COL19A1: variants seen among roughly 807,000 people sequenced by gnomAD.
COL19A1 encodes the protein collagen alpha-1(XIX) chain.
In COL19A1, 159 loss-of-function variants were observed where a neutral mutation model predicts 190.2. The ratio of observed to expected loss-of-function variants is 0.84; its 90% CI spans 0.73 to 0.95. The LOEUF (loss-of-function observed/expected upper bound fraction) is 0.95, where lower values mean the gene tolerates loss of function less well. COL19A1 is among the 40% of genes least tolerant of loss of function. The probability of loss-of-function intolerance (pLI) is 0.00; values close to 1 mark genes in which losing one functional copy is unlikely to be tolerated. For missense variants in COL19A1, 1,418 were observed against 1,431.9 expected (o/e 0.99, Z 0.16); for synonymous variants, 509 against 458.9 (o/e 1.11, Z -1.39).
At chr6:69,885,571 T>C (rs1301555302) in intron 2 of COL19A1, among the ~76,000 whole-genome samples, 1 of 152,210 alleles carries the variant, frequency 6.6e-6, no homozygotes, top group Non-Finnish European at 1.5e-5. Context: ...ATTCCATCTC[T>C]AGATACATTT....
In COL19A1 at chr6:69,891,632, G is replaced by T. The variant is rs192391272; in HGVS notation, c.92-7316G>T. ...AGTCACAGCGACCTTGGCAGCTGCC[G>T]CCATGAGTGCCAAAGTGACTTTCAC... On this transcript the variant is annotated intron_variant, in intron 2 of 50. Coordinates refer to ENST00000620364, the MANE Select transcript of COL19A1 (RefSeq NM_001858.6). Among the ~76,000 whole-genome samples, 10 of 152,218 alleles carry T rather than the reference G, an allele frequency of 6.6e-5. No individual in the cohort carries two copies. The East Asian group carries it at 1.9e-3, about 29-fold the overall frequency.
At chr6:70,098,863 GGTC>G (rs1288903606) in intron 15 of COL19A1, among the ~76,000 whole-genome samples, 4 of 151,720 alleles carry the variant, frequency 2.6e-5, no homozygotes, top group Admixed American at 2.6e-4. Context: ...AATTCCTAGG[GGTC>G]CTTGGAGAGA....
At chr6:70,202,994 G>T (rs558189149) in intron 49 of COL19A1, among the ~76,000 whole-genome samples, 3 of 152,252 alleles carry the variant, frequency 2.0e-5, no homozygotes, top group South Asian at 4.1e-4. Context: ...TTGCAGCACA[G>T]GGCCTCATGG....
At chr6:70,046,464 T>G (rs757803043) in intron 14 of COL19A1, among the ~76,000 whole-genome samples, 5 of 152,198 alleles carry the variant, frequency 3.3e-5, no homozygotes, top group Non-Finnish European at 5.9e-5. Context: ...TTTCTTCTCT[T>G]TCTTTCTGAT....
At chr6:70,115,794 TTG>T (rs140082968) in intron 16 of COL19A1, among the ~76,000 whole-genome samples, 14,503 of 144,290 alleles carry the variant, frequency 0.1, 936 homozygotes, top group Non-Finnish European at 0.14. Context: ...CTAGCAGTTG[TTG>T]TTTTTTTTGT....
Position 70,149,906 on chromosome 6 carries a change from T to A in COL19A1, c.1983+2T>A. On this transcript the variant is annotated splice_donor_variant, in intron 29 of 50. Transcript: ENST00000620364. LOFTEE classifies it high-confidence loss of function. ...ACTCCAGGGACTCCAGGGAATGATG[T>A]AAGGACTTTCTTTATCTACCCTCCC... The A allele has an allele frequency of 1.2e-6, 2 of 1,613,836 alleles. No homozygotes were observed. Among genetic ancestry groups the A allele is most frequent in the Non-Finnish European group, 1.7e-6 (2 of 1,179,814 alleles).
intron 41 of COL19A1, among the ~76,000 whole-genome samples, chr6:70,174,724 G>GTA (rs1223482872): frequency 6.6e-6 from 1 of 152,134 alleles, no homozygotes; most frequent in Admixed American, 6.5e-5. Context: ...TGGCTTACTG[G>GTA]TATACACAAG....
At chr6:69,952,128 C>A (rs1312644587) in intron 9 of COL19A1, among the ~76,000 whole-genome samples, 1 of 151,876 alleles carries the variant, frequency 6.6e-6, no homozygotes, top group African/African-American at 2.4e-5. Flanking sequence ...GACTCCCCCA[C>A]CTTCATAAGA....
chr6:70,059,665 T>C (rs1780706454), intron 14 of COL19A1: 1 of 370,934 alleles, frequency 2.7e-6, no homozygotes, highest in African/African-American at 2.2e-5. Context: ...AACAGCCTTA[T>C]GAATTCCATT....
intron 14 of COL19A1, among the ~76,000 whole-genome samples, chr6:70,065,826 G>A (rs1371184131): frequency 1.3e-5 from 2 of 152,172 alleles, no homozygotes; most frequent in East Asian, 1.9e-4. Context: ...CTCAAAAGAA[G>A]ATATTTATGC....
At chr6:69,947,761 A>T (rs927493734) in intron 9 of COL19A1, among the ~76,000 whole-genome samples, 3 of 151,816 alleles carry the variant, frequency 2.0e-5, no homozygotes, top group African/African-American at 4.8e-5. Context: ...ACCTTCATAA[A>T]TGTGTCTCTG....
At chr6:69,874,821 A>C (rs188722384) in intron 1 of COL19A1, among the ~76,000 whole-genome samples, 2 of 152,226 alleles carry the variant, frequency 1.3e-5, no homozygotes, top group Admixed American at 6.5e-5. Context: ...GAAAGATTAT[A>C]AGATCTTGTA....
At chr6:70,022,245 C>G (rs1407424435) in intron 11 of COL19A1, among the ~76,000 whole-genome samples, 2 of 152,112 alleles carry the variant, frequency 1.3e-5, no homozygotes, top group East Asian at 3.9e-4. Context: ...CACAGACACA[C>G]ACAGACATAC....
At chr6:69,993,021 T>C (rs1391714279) in intron 11 of COL19A1, among the ~76,000 whole-genome samples, 2 of 152,128 alleles carry the variant, frequency 1.3e-5, no homozygotes, top group Non-Finnish European at 2.9e-5. Context: ...GAGGCCATCC[T>C]TGTCTTGTTC....
chr6:69,995,277 T>C (rs899700735), intron 11 of COL19A1, among the ~76,000 whole-genome samples: 3 of 152,194 alleles, frequency 2.0e-5, no homozygotes, highest in African/African-American at 7.2e-5. Context: ...CCTTTATCCC[T>C]CTACCACAAA....
chr6:70,158,209 G>A (rs974212934), intron 34 of COL19A1, among the ~76,000 whole-genome samples: 1 of 152,092 alleles, frequency 6.6e-6, no homozygotes, highest in African/African-American at 2.4e-5. Flanking sequence ...TTCTTTAGCA[G>A]ATGGGAAATA....
chr6:69,996,475 G>A (rs1161334778), intron 11 of COL19A1, among the ~76,000 whole-genome samples: 1 of 152,158 alleles, frequency 6.6e-6, no homozygotes, highest in Non-Finnish European at 1.5e-5. Context: ...CTAGTGTTAA[G>A]ATGGTAAGCT....
intron 14 of COL19A1, 147 bp from the exon 15 acceptor site, chr6:70,068,276 T>C (rs1261611536): frequency 3.3e-6 from 2 of 597,472 alleles, no homozygotes; most frequent in Non-Finnish European, 3.0e-6. Flanking sequence ...TCATTATTAA[T>C]ATATTATATA....
At chr6:70,172,368 A>G (rs1765549058) in intron 41 of COL19A1, among the ~76,000 whole-genome samples, 1 of 152,124 alleles carries the variant, frequency 6.6e-6, no homozygotes, top group African/African-American at 2.4e-5. Flanking sequence ...TGTTCCAGGA[A>G]GAGGAAACAG....
Sources: gnomAD v4.1 joint callset for allele counts (sites outside exome capture counted in the v4.1 genomes callset) on GRCh38, gnomAD v4.1.1 for gene constraint, MANE v1.5 for transcripts, NCBI Gene and HGNC (gene_info 2026-07-23, HGNC 2026-07-21) for gene names.